The following UNKL variants were observed in gnomAD, a reference collection of about 807,000 sequenced individuals.
UNKL encodes the protein unk like zinc finger.
UNKL carries 60 observed loss-of-function variants against 78.0 expected under a neutral mutation model. The observed-to-expected ratio is 0.77, with a 90% CI of 0.63 to 0.95. The LOEUF is 0.95. Among genes scored for constraint, UNKL ranks in the 40% least tolerant of loss-of-function variants. The pLI is 0.00. For synonymous variants in UNKL, 608 were observed against 474.8 expected, an observed-to-expected ratio of 1.28 and a Z score of -3.65; for missense variants, 1,159 against 1,045.7, an observed-to-expected ratio of 1.11 and a Z score of -1.49.
At chr16:1,367,492 C>G (rs2035382484) in intron 13 of UNKL, 143 bp from the exon 14 acceptor site, 1 of 439,272 alleles carries the variant, frequency 2.3e-6, no homozygotes, top group Non-Finnish European at 3.2e-6. Context: ...GGCCCTCCCT[C>G]CCTCCCTCCC....
In UNKL at chr16:1,387,172, G is replaced by A. The variant is rs111536608; in HGVS notation, c.1087-1787C>T. On this transcript the variant is annotated intron_variant, in intron 9 of 14. Coordinates refer to ENST00000389221, the MANE Select transcript of UNKL (RefSeq NM_001372107.1). This position sits in a 1 kb window ranked among gnomAD's most constrained non-coding sequence, Gnocchi z 4.1. ...GGGACCCTCCCAGCCATGCAGCACC[G>A]GGGACCCTCCCAGCCATGCAACACC... is the stretch of plus-strand genomic sequence containing the variant. Among the ~76,000 whole-genome samples the A allele has an allele frequency of 2.0e-5, 3 of 151,386 alleles. No homozygotes were observed. The highest frequency in any genetic ancestry group is 2.4e-5 in the African/African-American group (1 of 40,956).
intron 2 of UNKL, chr16:1,408,591 G>A (rs1178410475): frequency 6.5e-6 from 1 of 153,944 alleles, no homozygotes; most frequent in African/African-American, 2.4e-5. Flanking sequence ...GATGACAGCA[G>A]GGGCTGTAGG....
chr16:1,405,562 G>A (rs2037717140), intron 2 of UNKL, among the ~76,000 whole-genome samples: 1 of 151,188 alleles, frequency 6.6e-6, no homozygotes. Context: ...GGTGACAAGG[G>A]CAAAACTCCA....
At chr16:1,405,244 G>A (rs1239591992) in intron 2 of UNKL, among the ~76,000 whole-genome samples, 2 of 148,222 alleles carry the variant, frequency 1.3e-5, no homozygotes, top group East Asian at 2.0e-4. Flanking sequence ...AAGGAAGGGA[G>A]GGAGGGAGAG....
At chr16:1,401,328 T>G in intron 4 of UNKL, 4 of 422,352 alleles carry the variant, frequency 9.5e-6, no homozygotes, top group African/African-American at 2.0e-5. Flanking sequence ...CTGGCCCCAC[T>G]GAGATGCCAG....
In UNKL at chr16:1,399,337, C is replaced by G. The variant is rs781437806; in HGVS notation, c.734+37G>C. ...GCCACGGGCCGGGAAGGACGCCCAC[C>G]AGCCGGAGTCCTCTGAGCACGGTCC... On this transcript the variant is annotated intron_variant, in intron 5 of 14. Coordinates refer to ENST00000389221, the MANE Select transcript of UNKL (RefSeq NM_001372107.1). This position sits in a 1 kb window ranked among gnomAD's most constrained non-coding sequence, Gnocchi z 5.8. 1 of 1,525,750 alleles carries G rather than the reference C, an allele frequency of 6.6e-7. No individual in the cohort carries two copies. Among genetic ancestry groups the G allele is most frequent in the Admixed American group, 2.1e-5 (1 of 47,738 alleles). The allele number at this position is 1,525,750 out of a possible 1,614,324, so 94.5% of individuals were successfully genotyped here.
At position 1,397,251 on chromosome 16, in the gene UNKL, T is replaced by C; in HGVS notation, c.779A>G (p.Glu260Gly). Residue 260 changes from glutamate to glycine, a missense_variant, in exon 6 of 15, where the codon GAA (glutamate) becomes GGA (glycine). By Grantham distance (98) the Glu-to-Gly change is moderately conservative. Transcript: ENST00000389221. ...GTCGCCGCCATCGCAGCGTGAGGGTTCCCCCCACTCATCCCCGTGCTTCAC... is the reference window on the plus strand; with the variant it reads ...GTCGCCGCCATCGCAGCGTGAGGGTCCCCCCCACTCATCCCCGTGCTTCAC... ...PSVKHGDEWG[E>G]PSRCDGGDGC... is the part of the protein sequence containing the mutation. 1 of 1,541,888 alleles carries C rather than the reference T, an allele frequency of 6.5e-7. No homozygotes were observed. The highest frequency in any genetic ancestry group is 1.2e-5 in the South Asian group (1 of 83,974).
At chr16:1,404,378 C>T (rs1303882171) in intron 2 of UNKL, among the ~76,000 whole-genome samples, 1 of 152,176 alleles carries the variant, frequency 6.6e-6, no homozygotes, top group Non-Finnish European at 1.5e-5. Context: ...GGACCAAGAG[C>T]GATTCAGCAA....
At chr16:1,393,005 G>A (rs1385531639) in intron 7 of UNKL, 29 bp from the exon 8 acceptor site, 1 of 1,548,830 alleles carries the variant, frequency 6.5e-7, no homozygotes, top group Admixed American at 2.0e-5. Context: ...AGCAGACTCT[G>A]AGGGCCGCTG....
At position 1,401,649 on chromosome 16, in the gene UNKL, C is replaced by A; in HGVS notation, c.517G>T (p.Gly173Trp). ...LQNGQLGGGE[G>W]VPDLQPGVLA... ...ACCCCAGGCTGCAGATCCGGGACCC[C>A]TTCCCCGCCGCCCAGCTGGCCGTTC... Residue 173 changes from glycine (G) to tryptophan (W), a missense_variant, in exon 4 of 15, where the codon GGG (glycine) becomes TGG (tryptophan). By Grantham distance (184) the Gly-to-Trp change is radical (BLOSUM62 -2). Transcript: ENST00000389221. 6.2e-7 allele frequency: 1 copy of A among 1,612,372 alleles called. No individual in the cohort carries two copies.
At chr16:1,408,825 C>G (rs2037903671) in intron 2 of UNKL, 1 of 152,530 alleles carries the variant, frequency 6.6e-6, no homozygotes, top group African/African-American at 2.4e-5. Flanking sequence ...CAGCCACAAC[C>G]AAGAGCAACG....
chr16:1,397,226 G>A lies in UNKL; in HGVS notation c.804C>T (p.Asp268=), dbSNP rs144818814. 6.3e-3 allele frequency: 9,710 copies of A among 1,540,440 alleles called. 73 individuals carry two copies. The highest frequency in any genetic ancestry group is 7.8e-3 in the Admixed American group (395 of 50,918). ...WGEPSRCDGG[D]GCQYCHSRTE... is the part of the protein sequence containing the mutation. ...TGCGGGAGTGGCAATACTGGCAGCC[G>A]TCGCCGCCATCGCAGCGTGAGGGTT... The change falls in exon 6 of 15, where the codon GAC becomes GAT. Residue 268 remains aspartate (D), a synonymous_variant. Coordinates refer to ENST00000389221, the MANE Select transcript of UNKL (RefSeq NM_001372107.1).
chr16:1,366,484 GC>G, intron 14 of UNKL, 89 bp from the exon 15 acceptor site: 1 of 1,420,024 alleles, frequency 7.0e-7, no homozygotes, highest in Non-Finnish European at 9.3e-7. Flanking sequence ...GCAGGACTCA[GC>G]ATCTCAGGCC....
chr16:1,414,591 G>T (rs1485484911), intron 1 of UNKL, 24 bp downstream of exon 1: 2 of 1,017,454 alleles, frequency 2.0e-6, no homozygotes, highest in African/African-American at 1.7e-5. Flanking sequence ...CGGGCGGGGG[G>T]CCGCAGGCCG....
chr16:1,369,930 G>A (rs537054483), intron 12 of UNKL, 200 bp downstream of exon 12: 26 of 1,545,670 alleles, frequency 1.7e-5, no homozygotes, highest in Admixed American at 9.8e-5. Flanking sequence ...AGCCGAGATC[G>A]TACCATTGCA....
At chr16:1,389,891 C>G (rs2036971338) in intron 9 of UNKL, among the ~76,000 whole-genome samples, 1 of 152,184 alleles carries the variant, frequency 6.6e-6, no homozygotes, top group African/African-American at 2.4e-5. Flanking sequence ...GCAACCTCCA[C>G]CTCCTGGGCT....
chr16:1,389,370 G>C (rs2036951734), intron 9 of UNKL, among the ~76,000 whole-genome samples: 1 of 152,170 alleles, frequency 6.6e-6, no homozygotes, highest in Non-Finnish European at 1.5e-5. Flanking sequence ...AGGATTGCTT[G>C]AGCCTAGGAG....
chr16:1,394,468 C>T, intron 6 of UNKL: 2 of 664,914 alleles, frequency 3.0e-6, no homozygotes, highest in East Asian at 2.9e-5. Context: ...CCATCACAGG[C>T]AAAGTCATTT....
intron 6 of UNKL, among the ~76,000 whole-genome samples, chr16:1,394,890 T>C (rs969436755): frequency 1.2e-4 from 19 of 152,188 alleles, no homozygotes; most frequent in African/African-American, 4.6e-4. Context: ...ATTTTGTTTG[T>C]TTTTTGAGAG....
Sources: gnomAD v4.1 joint callset for allele counts (sites outside exome capture counted in the v4.1 genomes callset) on GRCh38, gnomAD v4.1.1 for gene constraint, Gnocchi (gnomAD v3.1) non-coding constraint, MANE v1.5 for transcripts, NCBI Gene and HGNC (gene_info 2026-07-23, HGNC 2026-07-21) for gene names.